Variants in ADD2 observed in about 807,000 individuals in gnomAD.
ADD2 encodes the protein adducin 2.
Under a neutral mutation model 83.0 loss-of-function variants are expected in ADD2, and 23 were observed. The observed-to-expected ratio is 0.28, with a 90% CI of 0.20 to 0.39. The LOEUF is 0.39. Among genes scored for constraint, ADD2 ranks in the 10% least tolerant of loss-of-function variants. The probability of loss-of-function intolerance (pLI) is 1.00; values close to 1 mark genes in which losing one functional copy is unlikely to be tolerated. For missense variants in ADD2, 758 were observed against 944.9 expected (o/e 0.80, Z 2.59); for synonymous variants, 375 against 375.4 (o/e 1.00, Z 0.01).
chr2:70,689,715 C>T (rs1558534487), intron 8 of ADD2, among the ~76,000 whole-genome samples: 1 of 152,216 alleles, frequency 6.6e-6, no homozygotes, highest in African/African-American at 2.4e-5. Context: ...AGCGGCAAAG[C>T]ATCCATCAAC....
intron 1 of ADD2, among the ~76,000 whole-genome samples, chr2:70,761,454 C>T (rs1019864924): frequency 1.9e-4 from 28 of 151,346 alleles, no homozygotes; most frequent in African/African-American, 6.8e-4. Flanking sequence ...ACTAAAAATA[C>T]AAAATTAGCC....
chr2:70,677,036 G>C (rs782090960), intron 12 of ADD2, 151 bp from the exon 13 acceptor site: 2 of 1,312,842 alleles, frequency 1.5e-6, no homozygotes, highest in Non-Finnish European at 2.0e-6. Flanking sequence ...TGTACTTTAA[G>C]GGGGGGCCTC....
chr2:70,671,800 G>A (rs993170595), intron 15 of ADD2, among the ~76,000 whole-genome samples: 4 of 152,148 alleles, frequency 2.6e-5, no homozygotes, highest in African/African-American at 9.7e-5. Flanking sequence ...AGGGTTGGGG[G>A]ATTCTATCAG....
chr2:70,657,098 A>G lies in ADD2; in HGVS notation c.*6327T>C, dbSNP rs1445800302. 6.6e-6 allele frequency: 1 copy of G among 152,130 alleles called. No individual in the cohort carries two copies. Among genetic ancestry groups the G allele is most frequent in the Non-Finnish European group, 1.5e-5 (1 of 68,034 alleles). 9.4% of individuals were successfully genotyped at this position (152,130 alleles called of 1,614,324 possible). On this transcript the variant is annotated 3_prime_UTR_variant, in exon 16 of 16. Transcript: ENST00000264436. ...ACCGATCTGCACGTCAGTGGCTCAA[A>G]AAGTGTTAGCATAGAGAAAGGCAAA...
intron 9 of ADD2, among the ~76,000 whole-genome samples, chr2:70,684,248 TA>T (rs1333235432): frequency 2.0e-5 from 3 of 150,386 alleles, no homozygotes; most frequent in East Asian, 1.9e-4. Context: ...AAATATCTCC[TA>T]TTTTTTTTTA....
chr2:70,676,202 C>A lies in ADD2; in HGVS notation c.1593+594G>T. The A allele has an allele frequency of 1.0e-6, 1 of 985,900 alleles. No individual in the cohort carries two copies. Among genetic ancestry groups the A allele is most frequent in the Non-Finnish European group, 1.2e-6 (1 of 830,268 alleles). The allele number at this position is 985,900 out of a possible 1,614,324, so 61.1% of individuals were successfully genotyped here. A position where few individuals can be genotyped will look rare whatever the true frequency, so the allele number is the denominator to read the frequency against. ...ACACATGCCAGAATTCTGAACTTCA[C>A]CCCTTTTGCTAAGCACTAGACAAAA... On this transcript the variant is annotated intron_variant, in intron 13 of 15. Transcript: ENST00000264436. This position sits in a 1 kb window ranked among gnomAD's most constrained non-coding sequence, Gnocchi z 4.8.
At chr2:70,758,463 A>G (rs187249812) in intron 1 of ADD2, among the ~76,000 whole-genome samples, 2 of 152,286 alleles carry the variant, frequency 1.3e-5, no homozygotes, top group Admixed American at 1.3e-4. Flanking sequence ...AAGCATGTTC[A>G]GAAAAATGGA....
At chr2:70,698,668 C>T (rs181659025) in intron 4 of ADD2, among the ~76,000 whole-genome samples, 187 of 152,162 alleles carry the variant, frequency 1.2e-3, no homozygotes, top group African/African-American at 4.3e-3. Flanking sequence ...ATAAAAATGT[C>T]GCTTGTACCC....
chr2:70,667,248 C>G (rs1553366282), intron 15 of ADD2, among the ~76,000 whole-genome samples: 1 of 151,982 alleles, frequency 6.6e-6, no homozygotes, highest in Non-Finnish European at 1.5e-5. Flanking sequence ...AATGGGGGCT[C>G]TGTCCAAGGA....
In ADD2 at chr2:70,721,749, T is replaced by A. The variant is rs78774487; in HGVS notation, c.-153-8565A>T. Among the ~76,000 whole-genome samples the A allele has an allele frequency of 2.0e-5, 3 of 152,308 alleles. No homozygotes were observed. The East Asian group carries it at 5.8e-4, about 29-fold the overall frequency. On this transcript the variant is annotated intron_variant, in intron 1 of 15. Coordinates refer to ENST00000264436, the MANE Select transcript of ADD2 (RefSeq NM_001617.4). ...GAAATTACCTTAATGATTAGTCCAATTAAAATTAGAGATACAAAAGGACAA... is the reference window on the plus strand; with the variant it reads ...GAAATTACCTTAATGATTAGTCCAAATAAAATTAGAGATACAAAAGGACAA...
chr2:70,752,168 T>G (rs1674538388), intron 1 of ADD2, among the ~76,000 whole-genome samples: 1 of 152,060 alleles, frequency 6.6e-6, no homozygotes, highest in Non-Finnish European at 1.5e-5. Flanking sequence ...AAACCCTAAT[T>G]CTCTAAGCAT....
rs1275796841 is a variant in ADD2, at chr2:70,656,885, C to T, written c.*6540G>A. The T allele has an allele frequency of 6.6e-6, 1 of 152,072 alleles. No individual in the cohort carries two copies. The highest frequency in any genetic ancestry group is 2.4e-5 in the African/African-American group (1 of 41,372). The allele number at this position is 152,072 out of a possible 1,614,324, so 9.4% of individuals were successfully genotyped here. ...GGGCAGAGATGCCACCGCAGCATCA[C>T]CGTCAGACACCAAAGCAGCAGGAGG... On this transcript the variant is annotated 3_prime_UTR_variant, in exon 16 of 16. Transcript: ENST00000264436.
At chr2:70,695,932 C>G in intron 5 of ADD2, 131 bp from the exon 6 acceptor site, 3 of 775,546 alleles carry the variant, frequency 3.9e-6, no homozygotes, top group South Asian at 3.5e-5. Flanking sequence ...TTATCTCTCC[C>G]CCCCAGCCAT....
chr2:70,718,551 T>C (rs1672584126), intron 1 of ADD2, among the ~76,000 whole-genome samples: 1 of 152,230 alleles, frequency 6.6e-6, no homozygotes, highest in Admixed American at 6.5e-5. Flanking sequence ...GAAGGGAGAC[T>C]GGAAACCTTG....
chr2:70,706,485 C>T lies in ADD2; in HGVS notation c.-34-43G>A. 1 of 1,507,304 alleles carries T rather than the reference C, an allele frequency of 6.6e-7. No homozygotes were observed. The highest frequency in any genetic ancestry group is 1.9e-5 in the Admixed American group (1 of 51,934). The allele number at this position is 1,507,304 out of a possible 1,614,324, so 93.4% of individuals were successfully genotyped here. A position where few individuals can be genotyped will look rare whatever the true frequency, so the allele number is the denominator to read the frequency against. On this transcript the variant is annotated intron_variant, in intron 2 of 15. Coordinates refer to ENST00000264436, the MANE Select transcript of ADD2 (RefSeq NM_001617.4). This position sits in a 1 kb window ranked among gnomAD's most constrained non-coding sequence, Gnocchi z 5.0. ...GGGTATGCGGTCAGGTTGGTGCTCC[C>T]CATCGGGGTACACGTTTCTCAGAGC...
intron 1 of ADD2, among the ~76,000 whole-genome samples, chr2:70,726,114 G>C (rs1386823549): frequency 1.4e-5 from 2 of 146,860 alleles, no homozygotes. Flanking sequence ...ATGAACCCAG[G>C]AGGCGGAGCT....
intron 15 of ADD2, 105 bp downstream of exon 15, chr2:70,672,773 G>C (rs1553367329): frequency 4.5e-6 from 6 of 1,322,598 alleles, no homozygotes; most frequent in Non-Finnish European, 6.1e-6. Flanking sequence ...ATAGCAGAGG[G>C]GAAAGATTTT....
chr2:70,707,332 G>A (rs1016139121), intron 2 of ADD2, among the ~76,000 whole-genome samples: 12 of 152,234 alleles, frequency 7.9e-5, no homozygotes, highest in Non-Finnish European at 1.5e-4. Context: ...GTGCCATGCT[G>A]CCCGGCTGCC....
intron 15 of ADD2, among the ~76,000 whole-genome samples, chr2:70,669,009 C>T (rs1669791331): frequency 6.6e-6 from 1 of 152,104 alleles, no homozygotes; most frequent in Admixed American, 6.5e-5. Flanking sequence ...CACACCATTG[C>T]ATAGAGAGGT....
Sources: gnomAD v4.1 joint callset for allele counts (sites outside exome capture counted in the v4.1 genomes callset) on GRCh38, gnomAD v4.1.1 for gene constraint, Gnocchi (gnomAD v3.1) non-coding constraint, MANE v1.5 for transcripts, NCBI Gene and HGNC (gene_info 2026-07-23, HGNC 2026-07-21) for gene names.